The following TUSC3 variants were observed in gnomAD, a reference collection of about 807,000 sequenced individuals.
TUSC3 encodes tumor suppressor candidate 3.
Under a neutral mutation model 44.8 loss-of-function variants are expected in TUSC3, and 45 were observed. The observed-to-expected ratio is 1.00, with a 90% CI of 0.79 to 1.29. TUSC3 has a LOEUF of 1.29. Ranked by LOEUF, TUSC3 falls within the 50% of genes most tolerant of loss-of-function variation. The pLI is 0.00. For synonymous variants in TUSC3, 212 were observed against 152.9 expected (o/e 1.39, Z -2.85); for missense variants, 519 against 437.9 (o/e 1.19, Z -1.65).
intron 1 of TUSC3, among the ~76,000 whole-genome samples, chr8:15,551,079 C>T (rs1802046069): frequency 6.6e-6 from 1 of 151,760 alleles, no homozygotes; most frequent in African/African-American, 2.4e-5. Flanking sequence ...TTTGGAGCAG[C>T]AGTTGTCCTC....
chr8:15,756,827 ATTCCCCAAACTC>A (rs1256694711), intron 9 of TUSC3, among the ~76,000 whole-genome samples: 2 of 152,146 alleles, frequency 1.3e-5, no homozygotes, highest in African/African-American at 4.8e-5. Context: ...ATAGTTAGTT[ATTCCCCAAACTC>A]GAGCTCTAAA....
intron 6 of TUSC3, among the ~76,000 whole-genome samples, chr8:15,684,732 C>G (rs1022061062): frequency 1.3e-5 from 2 of 152,272 alleles, no homozygotes; most frequent in South Asian, 4.1e-4. Flanking sequence ...GGCCACAGAT[C>G]TGCAGCTTGG....
At chr8:15,631,061 T>C (rs1443492154) in intron 2 of TUSC3, among the ~76,000 whole-genome samples, 1 of 152,206 alleles carries the variant, frequency 6.6e-6, no homozygotes, top group Non-Finnish European at 1.5e-5. Context: ...CTTAAATTTC[T>C]TGGCTACCTG....
intron 1 of TUSC3, chr8:15,417,411 C>T (rs1799673829): frequency 6.6e-6 from 1 of 152,222 alleles, no homozygotes; most frequent in Non-Finnish European, 1.5e-5. Context: ...CAAAGATAAA[C>T]TCTGCAAAGT....
At chr8:15,802,326 T>A in the TUSC3 span, among the ~76,000 whole-genome samples, 1 of 152,240 alleles carries the variant, frequency 6.6e-6, no homozygotes, top group East Asian at 1.9e-4. Context: ...AATGTTTTGC[T>A]TGTGCATGGT....
chr8:15,787,539 C>G, the TUSC3 span, among the ~76,000 whole-genome samples: 3 of 152,066 alleles, frequency 2.0e-5, no homozygotes, highest in Non-Finnish European at 2.9e-5. Flanking sequence ...CAATGAAAAC[C>G]TTAGAATAAT....
Position 15,555,276 on chromosome 8 carries a change from ATTTTTTTTT to A in TUSC3, c.138+14735_138+14743del, listed in dbSNP as rs35757466. Among the ~76,000 whole-genome samples the A allele has an allele frequency of 4.0e-3, 180 of 44,892 alleles. 2 individuals carry two copies. Among genetic ancestry groups the A allele is most frequent in the African/African-American group, 5.7e-3 (52 of 9,148 alleles). The allele number at this position is 44,892 out of a possible 152,430, so 29.5% of individuals were successfully genotyped here. A position where few individuals can be genotyped will look rare whatever the true frequency, so the allele number is the denominator to read the frequency against. On this transcript the variant is annotated intron_variant, in intron 1 of 10. Transcript: ENST00000503731. ...GTTCATGTGCCACCATGCCAGGCTA[ATTTTTTTTT>A]TTTTTTTTTTTTTTTTTTTTTTTTT...
intron 1 of TUSC3, among the ~76,000 whole-genome samples, chr8:15,443,447 C>T (rs1470888474): frequency 2.0e-5 from 3 of 150,680 alleles, no homozygotes; most frequent in Non-Finnish European, 4.4e-5. Context: ...GATCTGCCTG[C>T]CTCAGCTTCC....
intron 1 of TUSC3, among the ~76,000 whole-genome samples, chr8:15,563,501 T>A (rs1228969965): frequency 6.6e-6 from 1 of 151,790 alleles, no homozygotes; most frequent in African/African-American, 2.4e-5. Flanking sequence ...GCCTGGCCAA[T>A]ATGGTGAAAC....
intron 6 of TUSC3, among the ~76,000 whole-genome samples, chr8:15,716,379 G>A (rs895468644): frequency 1.3e-5 from 2 of 151,348 alleles, no homozygotes; most frequent in African/African-American, 4.9e-5. Flanking sequence ...AAAAAAAAAA[G>A]CCAGTTTAAA....
At chr8:15,807,392 A>C in the TUSC3 span, 1 of 321,140 alleles carries the variant, frequency 3.1e-6, no homozygotes, top group African/African-American at 2.2e-5. Context: ...AGAGAAGGCA[A>C]TGCTTATACA....
the TUSC3 span, among the ~76,000 whole-genome samples, chr8:15,833,981 T>C: frequency 6.6e-6 from 1 of 152,308 alleles, no homozygotes; most frequent in South Asian, 2.1e-4. Context: ...AAAGTATATG[T>C]GCATTCAAAT....
chr8:15,513,392 T>A (rs922921108), intron 2 of TUSC3, among the ~76,000 whole-genome samples: 3 of 152,186 alleles, frequency 2.0e-5, no homozygotes, highest in African/African-American at 7.2e-5. Context: ...TTATCTTTCC[T>A]AGGGATATTT....
intron 6 of TUSC3, among the ~76,000 whole-genome samples, chr8:15,722,061 T>A (rs561316354): frequency 6.6e-6 from 1 of 152,162 alleles, no homozygotes; most frequent in South Asian, 2.1e-4. Context: ...ACACAATTGA[T>A]TCCCATTAGC....
intron 2 of TUSC3, among the ~76,000 whole-genome samples, chr8:15,525,996 G>A (rs945215168): frequency 1.3e-5 from 2 of 152,032 alleles, no homozygotes; most frequent in Non-Finnish European, 2.9e-5. Flanking sequence ...CAAGCAGGTG[G>A]TAGTAGGGTG....
At chr8:15,615,152 C>T (rs1039046751) in intron 1 of TUSC3, among the ~76,000 whole-genome samples, 1 of 152,116 alleles carries the variant, frequency 6.6e-6, no homozygotes, top group Non-Finnish European at 1.5e-5. Context: ...AAAGAGATAC[C>T]TGTCCTCTCA....
chr8:15,845,203 G>A, the TUSC3 span, among the ~76,000 whole-genome samples: 1 of 152,094 alleles, frequency 6.6e-6, no homozygotes, highest in Non-Finnish European at 1.5e-5. Flanking sequence ...AGTTTGAGTG[G>A]TAAGTCTAAT....
At chr8:15,520,485 G>C (rs1335499406) in intron 2 of TUSC3, among the ~76,000 whole-genome samples, 1 of 152,168 alleles carries the variant, frequency 6.6e-6, no homozygotes, top group Non-Finnish European at 1.5e-5. Context: ...GTTAGCTTCT[G>C]TTATTTAAAT....
At chr8:15,839,733 G>T in the TUSC3 span, among the ~76,000 whole-genome samples, 1 of 152,166 alleles carries the variant, frequency 6.6e-6, no homozygotes, top group Non-Finnish European at 1.5e-5. Flanking sequence ...AACAACAGGT[G>T]CTGGAGAGGA....
Sources: gnomAD v4.1 joint callset for allele counts (sites outside exome capture counted in the v4.1 genomes callset) on GRCh38, gnomAD v4.1.1 for gene constraint, MANE v1.5 for transcripts, NCBI Gene and HGNC (gene_info 2026-07-23, HGNC 2026-07-21) for gene names.